Variants in ADGRA1 observed in about 807,000 individuals in gnomAD.
The protein encoded by ADGRA1 is adhesion G protein-coupled receptor A1.
ADGRA1 carries 12 observed loss-of-function variants against 21.3 expected under a neutral mutation model. The observed-to-expected ratio is 0.56, with a 90% CI of 0.36 to 0.91. ADGRA1 has a LOEUF of 0.91. Ranked by LOEUF, ADGRA1 falls within the 40% of genes least tolerant of loss-of-function variation. The pLI is 0.01. For synonymous variants in ADGRA1, 385 were observed against 368.8 expected (o/e 1.04, Z -0.50); for missense variants, 790 against 805.6 (o/e 0.98, Z 0.23).
At chr10:133,103,100 G>A (rs750198923) in intron 5 of ADGRA1, among the ~76,000 whole-genome samples, 294 of 152,202 alleles carry the variant, frequency 1.9e-3, no homozygotes, top group Non-Finnish European at 3.1e-3. Flanking sequence ...CCTGAGGGTG[G>A]AGGGTCCCGG....
At chr10:133,121,965 ATGCCTGTGTGTATGTGTG>A (rs1031212440) in intron 5 of ADGRA1, among the ~76,000 whole-genome samples, 8 of 133,238 alleles carry the variant, frequency 6.0e-5, no homozygotes, top group Non-Finnish European at 7.9e-5. Flanking sequence ...GTGAGTGTGC[ATGCCTGTGTGTATGTGTG>A]TGCCTGTGTG....
intron 5 of ADGRA1, among the ~76,000 whole-genome samples, chr10:133,116,175 C>T (rs9419110): frequency 0.21 from 31,412 of 152,136 alleles, 3,971 homozygotes; most frequent in East Asian, 0.57. Flanking sequence ...CTGCCCAGTG[C>T]GAGGCCATAC....
At chr10:133,103,115 A>T (rs1296643490) in intron 5 of ADGRA1, among the ~76,000 whole-genome samples, 1 of 151,856 alleles carries the variant, frequency 6.6e-6, no homozygotes, top group Non-Finnish European at 1.5e-5. Flanking sequence ...TCCCGGGTGG[A>T]GTCTGAGGCA....
In ADGRA1 at chr10:133,096,967, T is replaced by C. The variant is rs1169936652; in HGVS notation, c.4-7T>C. On this transcript the variant is annotated splice_polypyrimidine_tract_variant and splice_region_variant and intron_variant, in intron 2 of 6. Coordinates refer to ENST00000392607, the MANE Select transcript of ADGRA1 (RefSeq NM_001083909.3). ...AGTCACACACGTCTCCTTTGCTTTA[T>C]CCTCAGGATCTGAAGACAGTGCTCT... 1 of 1,609,422 alleles carries C rather than the reference T, an allele frequency of 6.2e-7. No individual in the cohort carries two copies. Among genetic ancestry groups the C allele is most frequent in the Non-Finnish European group, 8.5e-7 (1 of 1,176,248 alleles).
At chr10:133,096,514 A>T (rs1050072802) in intron 2 of ADGRA1, among the ~76,000 whole-genome samples, 8 of 152,214 alleles carry the variant, frequency 5.3e-5, no homozygotes, top group African/African-American at 1.9e-4. Context: ...CTCCCGGAAG[A>T]TGTTGACAAG....
chr10:133,103,273 G>A (rs1224765045), intron 5 of ADGRA1, among the ~76,000 whole-genome samples: 2 of 152,214 alleles, frequency 1.3e-5, no homozygotes, highest in Non-Finnish European at 2.9e-5. Context: ...CAGCCACACT[G>A]GGGAAACGGG....
At chr10:133,089,819 C>T (rs1222428463) in intron 2 of ADGRA1, among the ~76,000 whole-genome samples, 1 of 152,224 alleles carries the variant, frequency 6.6e-6, no homozygotes, top group Admixed American at 6.5e-5. Context: ...CCAGTGGCTG[C>T]TTCACCTCTG....
At chr10:133,102,653 G>A (rs1441404443) in intron 4 of ADGRA1, 44 bp from the exon 5 acceptor site, 3 of 1,577,542 alleles carry the variant, frequency 1.9e-6, no homozygotes, top group African/African-American at 1.3e-5. Flanking sequence ...GCTCTGGGGG[G>A]TGGGTGCCCG....
chr10:133,104,910 G>A (rs1325749844), intron 5 of ADGRA1, among the ~76,000 whole-genome samples: 1 of 152,184 alleles, frequency 6.6e-6, no homozygotes, highest in Non-Finnish European at 1.5e-5. Flanking sequence ...CCTCAGGGAG[G>A]CCAGCAGGCT....
At chr10:133,104,435 G>T (rs187982555) in intron 5 of ADGRA1, among the ~76,000 whole-genome samples, 3 of 152,226 alleles carry the variant, frequency 2.0e-5, no homozygotes, top group African/African-American at 7.2e-5. Context: ...TCTTCCATCC[G>T]GTGTCTGCCA....
At chr10:133,118,924 CACAT>C (rs1489378946) in intron 5 of ADGRA1, among the ~76,000 whole-genome samples, 3 of 152,150 alleles carry the variant, frequency 2.0e-5, no homozygotes, top group Non-Finnish European at 4.4e-5. Flanking sequence ...ACACCACACA[CACAT>C]GCATTGCACA....
rs764981996 is a variant in ADGRA1 at position 133,128,436 on chromosome 10, G to A, written c.608G>A (p.Arg203His). ...CTGGGCACCTACGTGCAGCTGCGGCGCCACCCAGGGCGCAGGTACGAGCTG... is the reference window on the plus strand; with the variant it reads ...CTGGGCACCTACGTGCAGCTGCGGCACCACCCAGGGCGCAGGTACGAGCTG... Reference protein sequence around the residue: ...YFLGTYVQLRRHPGRRYELRT... With the variant: ...YFLGTYVQLRHHPGRRYELRT... The change falls in exon 7 of 7, where the codon CGC (arginine) becomes CAC (histidine). Residue 203 changes from arginine to histidine, a missense_variant. Arg to His is a conservative substitution (Grantham distance 29, BLOSUM62 0). Coordinates refer to ENST00000392607, the MANE Select transcript of ADGRA1 (RefSeq NM_001083909.3). The A allele has an allele frequency of 3.2e-5, 52 of 1,603,616 alleles. No homozygotes were observed. The highest frequency in any genetic ancestry group is 3.4e-4 in the Middle Eastern group (2 of 5,938).
Position 133,123,722 on chromosome 10 carries a change from C to T in ADGRA1, c.402-3511C>T, listed in dbSNP as rs373641231. On this transcript the variant is annotated intron_variant, in intron 5 of 6. Coordinates refer to ENST00000392607, the MANE Select transcript of ADGRA1 (RefSeq NM_001083909.3). Reference sequence around the variant, plus strand: ...GGGGAGGACTGCCTCCCTCCCCCCCCCCGGCACCTTCTGGGGCTGCCTCGG... The same window carrying T: ...GGGGAGGACTGCCTCCCTCCCCCCCTCCGGCACCTTCTGGGGCTGCCTCGG... Among the ~76,000 whole-genome samples, 19 of 152,144 alleles carry T rather than the reference C, an allele frequency of 1.2e-4. No individual in the cohort carries two copies. The East Asian group carries it at 1.7e-3, about 14-fold the overall frequency.
intron 5 of ADGRA1, among the ~76,000 whole-genome samples, chr10:133,113,916 C>T (rs888222416): frequency 4.6e-5 from 7 of 152,362 alleles, no homozygotes; most frequent in African/African-American, 1.2e-4. Flanking sequence ...CTAGCCCAGC[C>T]GTGAGCTTTA....
chr10:133,116,367 A>G (rs995876547), intron 5 of ADGRA1, among the ~76,000 whole-genome samples: 6 of 151,814 alleles, frequency 4.0e-5, no homozygotes, highest in Non-Finnish European at 8.8e-5. Context: ...CTGTCCCTCA[A>G]TCCCAAAGCT....
intron 5 of ADGRA1, among the ~76,000 whole-genome samples, chr10:133,116,293 C>T (rs568618272): frequency 3.9e-4 from 60 of 152,242 alleles, no homozygotes; most frequent in African/African-American, 1.3e-3. Flanking sequence ...AACAGTCCCT[C>T]GGCCTGTGGG....
intron 5 of ADGRA1, among the ~76,000 whole-genome samples, chr10:133,105,404 T>C (rs1372305421): frequency 6.6e-6 from 1 of 151,994 alleles, no homozygotes; most frequent in Non-Finnish European, 1.5e-5. Flanking sequence ...AGAAAACGGC[T>C]GTCCCCGAGA....
intron 2 of ADGRA1, among the ~76,000 whole-genome samples, 156 bp from the exon 3 acceptor site, chr10:133,096,818 G>A (rs563662923): frequency 3.9e-5 from 6 of 152,310 alleles, no homozygotes; most frequent in South Asian, 2.1e-4. Context: ...CAGCCTGACC[G>A]TACCTCCCCA....
intron 5 of ADGRA1, among the ~76,000 whole-genome samples, chr10:133,125,763 G>A (rs966672858): frequency 1.3e-5 from 2 of 152,066 alleles, no homozygotes; most frequent in African/African-American, 4.8e-5. Flanking sequence ...TTGCTCTAAT[G>A]GATTAAAATC....
Sources: gnomAD v4.1 joint callset for allele counts (sites outside exome capture counted in the v4.1 genomes callset) on GRCh38, gnomAD v4.1.1 for gene constraint, MANE v1.5 for transcripts, NCBI Gene and HGNC (gene_info 2026-07-23, HGNC 2026-07-21) for gene names.